The following FXN variants were observed in gnomAD, a reference collection of about 807,000 sequenced individuals.
FXN encodes frataxin, also known as frataxin, mitochondrial.
FXN carries 14 observed loss-of-function variants against 22.4 expected under a neutral mutation model. That is an observed-to-expected ratio of 0.62 (90% CI 0.41 to 0.98). FXN has a LOEUF of 0.98. FXN is among the 50% of genes least tolerant of loss of function. The pLI is 0.00. For synonymous variants in FXN, 120 were observed against 114.1 expected, an observed-to-expected ratio of 1.05 and a Z score of -0.33; for missense variants, 267 against 268.4, an observed-to-expected ratio of 0.99 and a Z score of 0.04.
At chr9:69,036,006 C>T in intron 1 of FXN, 59 bp downstream of exon 1, 1 of 1,268,140 alleles carries the variant, frequency 7.9e-7, no homozygotes, top group Non-Finnish European at 9.9e-7. Context: ...ACGCCGCACG[C>T]CTGCGCAGGG....
intron 1 of FXN, among the ~76,000 whole-genome samples, chr9:69,043,029 C>T (rs1831685858): frequency 6.6e-6 from 1 of 152,190 alleles, no homozygotes; most frequent in East Asian, 1.9e-4. Context: ...AGAGTCTGTA[C>T]TTGTTAATTT....
intron 2 of FXN, among the ~76,000 whole-genome samples, chr9:69,049,288 C>T (rs1016545237): frequency 8.5e-5 from 13 of 152,170 alleles, no homozygotes; most frequent in African/African-American, 2.9e-4. Flanking sequence ...CTCTCCTACG[C>T]ATTCTCTCCA....
At chr9:69,039,337 AG>A (rs1248875954) in intron 1 of FXN, among the ~76,000 whole-genome samples, 1 of 152,194 alleles carries the variant, frequency 6.6e-6, no homozygotes, top group Admixed American at 6.5e-5. Context: ...TTGAAAATCC[AG>A]GTCCTCAGTC....
intron 1 of FXN, among the ~76,000 whole-genome samples, chr9:69,045,464 G>T (rs76470259): frequency 0.015 from 2,257 of 152,206 alleles, 57 homozygotes; most frequent in African/African-American, 0.051. Context: ...GCGGTGGCGG[G>T]TGCCTGTAAT....
intron 1 of FXN, among the ~76,000 whole-genome samples, chr9:69,040,407 G>A (rs911662549): frequency 2.0e-5 from 3 of 152,200 alleles, no homozygotes; most frequent in African/African-American, 7.2e-5. Context: ...GGTGGCTCAC[G>A]CCTGTAATCC....
chr9:69,051,375 C>T (rs1039205052), intron 2 of FXN, among the ~76,000 whole-genome samples: 2 of 152,060 alleles, frequency 1.3e-5, no homozygotes, highest in African/African-American at 2.4e-5. Flanking sequence ...AGCCACTGCA[C>T]CCAGCCCATG....
intron 3 of FXN, among the ~76,000 whole-genome samples, chr9:69,059,319 C>T (rs1480900363): frequency 1.3e-5 from 2 of 148,292 alleles, no homozygotes; most frequent in Non-Finnish European, 1.5e-5. Context: ...ATTCCAGCTT[C>T]AAGCTGGAAG....
At position 69,076,145 on chromosome 9, in the gene FXN, T is replaced by C. The variant is rs56272226; in HGVS notation, c.*3383T>C. The C allele has an allele frequency of 4.2e-3, 4,159 of 985,238 alleles. 134 individuals are homozygous for C. In the African/African-American group the frequency reaches 0.066, roughly 16 times the overall value. 61.0% of individuals were successfully genotyped at this position (985,238 alleles called of 1,614,324 possible). A position where few individuals can be genotyped will look rare whatever the true frequency, so the allele number is the denominator to read the frequency against. On this transcript the variant is annotated 3_prime_UTR_variant, in exon 5 of 5. Transcript: ENST00000484259. ...GGTGTGTAAAAGAGAACCTGGGTTT[T>C]TGAATCACAAATTTAGAATTTAATC...
chr9:69,062,669 ATCT>A (rs140500106), intron 3 of FXN, among the ~76,000 whole-genome samples: 2,231 of 152,226 alleles, frequency 0.015, 26 homozygotes, highest in Non-Finnish European at 0.023. Flanking sequence ...TTAAAAAAAC[ATCT>A]TTTTTTTAGT....
chr9:69,078,670 T>G lies in FXN; in HGVS notation c.*5908T>G. The G allele has an allele frequency of 8.3e-6, 8 of 961,140 alleles. No homozygotes were observed. The highest frequency in any genetic ancestry group is 8.5e-6 in the Non-Finnish European group (7 of 822,532). The allele number at this position is 961,140 out of a possible 1,614,324, so 59.5% of individuals were successfully genotyped here. ...CAGCAATCCCAAATCCCCAGATCCC[T>G]AAGTGTGCTGTGCTATTTTCACGTG... On this transcript the variant is annotated 3_prime_UTR_variant, in exon 5 of 5. Coordinates refer to ENST00000484259, the MANE Select transcript of FXN (RefSeq NM_000144.5).
At chr9:69,041,659 C>G (rs1319342303) in intron 1 of FXN, among the ~76,000 whole-genome samples, 2 of 152,154 alleles carry the variant, frequency 1.3e-5, no homozygotes, top group African/African-American at 2.4e-5. Flanking sequence ...CCGGGGGTGA[C>G]AAGGGGACAC....
At chr9:69,047,377 A>G (rs1204897995) in intron 2 of FXN, among the ~76,000 whole-genome samples, 5 of 151,750 alleles carry the variant, frequency 3.3e-5, no homozygotes, top group African/African-American at 1.2e-4. Context: ...ACACACACAC[A>G]CACGATGGAG....
Position 69,060,096 on chromosome 9 carries a change from T to C in FXN, c.385-4842T>C, listed in dbSNP as rs191591474. ...GTCAATAAGACTCACCAGCCGGGCG[T>C]GGTGGCTCACGCCTGTAATCCCAGC... On this transcript the variant is annotated intron_variant, in intron 3 of 4. Coordinates refer to ENST00000484259, the MANE Select transcript of FXN (RefSeq NM_000144.5). Among the ~76,000 whole-genome samples the C allele has an allele frequency of 2.7e-3, 413 of 152,142 alleles. 11 individuals carry two copies. Among genetic ancestry groups the C allele is most frequent in the Admixed American group, 0.023 (345 of 15,282 alleles).
intron 4 of FXN, among the ~76,000 whole-genome samples, chr9:69,068,552 T>C (rs2133132280): frequency 6.6e-6 from 1 of 152,346 alleles, no homozygotes; most frequent in Admixed American, 6.5e-5. Flanking sequence ...CCAACTCAGC[T>C]GCTGCTGGCC....
chr9:69,077,506 T>C lies in FXN; in HGVS notation c.*4744T>C. 1 of 985,464 alleles carries C rather than the reference T, an allele frequency of 1.0e-6. No homozygotes were observed. The highest frequency in any genetic ancestry group is 1.2e-6 in the Non-Finnish European group (1 of 829,954). 61.0% of individuals were successfully genotyped at this position (985,464 alleles called of 1,614,324 possible). The stretch of plus-strand genomic sequence containing the variant: ...TAAAATTGGCTCTCAAAGATTTTCT[T>C]CTCCTGTGGAAAGTCAGACCTCTGA... On this transcript the variant is annotated 3_prime_UTR_variant, in exon 5 of 5. Coordinates refer to ENST00000484259, the MANE Select transcript of FXN (RefSeq NM_000144.5).
rs762990650 is a variant in FXN, at chr9:69,053,162, G to A, written c.286G>A (p.Glu96Lys). ...CAGCTCTCTAGATGAGACCACCTAT[G>A]AAAGACTAGCAGAGGAAACGCTGGA... ...HPGSLDETTY[E>K]RLAEETLDSL... Residue 96 changes from glutamate (E) to lysine (K), a missense_variant, in exon 3 of 5, where the codon GAA becomes AAA. Glu to Lys is a moderately conservative substitution (Grantham distance 56). Transcript: ENST00000484259. The A allele has an allele frequency of 2.9e-5, 47 of 1,613,804 alleles. No homozygotes were observed. Among genetic ancestry groups the A allele is most frequent in the Non-Finnish European group, 3.8e-5 (45 of 1,179,946 alleles).
At position 69,076,722 on chromosome 9, in the gene FXN, TAC is replaced by T. The variant is rs1832376338; in HGVS notation, c.*3965_*3966del. ...GAAAAATCGCTTTACGCTTCCAAGG[TAC>T]ACACTAAGATGAAAGTAATTTTAGT... On this transcript the variant is annotated 3_prime_UTR_variant, in exon 5 of 5. Transcript: ENST00000484259. The T allele has an allele frequency of 5.1e-6, 5 of 985,432 alleles. No homozygotes were observed. Among genetic ancestry groups the T allele is most frequent in the Middle Eastern group, 5.2e-4 (1 of 1,914 alleles). The allele number at this position is 985,432 out of a possible 1,614,324, so 61.0% of individuals were successfully genotyped here.
intron 1 of FXN, among the ~76,000 whole-genome samples, chr9:69,038,232 C>G (rs1831597744): frequency 6.6e-6 from 1 of 152,148 alleles, no homozygotes; most frequent in South Asian, 2.1e-4. Context: ...GCAGTGGCAA[C>G]TGGGGCCACC....
intron 3 of FXN, among the ~76,000 whole-genome samples, chr9:69,063,099 C>T (rs2133124787): frequency 6.6e-6 from 1 of 152,174 alleles, no homozygotes; most frequent in East Asian, 1.9e-4. Context: ...GAGGCAGGGA[C>T]TGAGTCAGAG....
Sources: gnomAD v4.1 joint callset for allele counts (sites outside exome capture counted in the v4.1 genomes callset) on GRCh38, gnomAD v4.1.1 for gene constraint, MANE v1.5 for transcripts, NCBI Gene and HGNC (gene_info 2026-07-23, HGNC 2026-07-21) for gene names.